Variants in COCH observed in about 807,000 individuals in gnomAD.
COCH encodes cochlin.
COCH carries 40 observed loss-of-function variants against 54.8 expected under a neutral mutation model. The ratio of observed to expected loss-of-function variants is 0.73; its 90% CI spans 0.57 to 0.95. The LOEUF (loss-of-function observed/expected upper bound fraction) is 0.95. Ranked by LOEUF, COCH falls within the 40% of genes least tolerant of loss-of-function variation. COCH has a pLI of 0.00. For missense variants in COCH, 605 were observed against 675.0 expected, an observed-to-expected ratio of 0.90 and a Z score of 1.15; for synonymous variants, 256 against 237.9, an observed-to-expected ratio of 1.08 and a Z score of -0.70.
At chr14:30,881,409 C>G (rs1895582492) in intron 8 of COCH, among the ~76,000 whole-genome samples, 1 of 152,046 alleles carries the variant, frequency 6.6e-6, no homozygotes, top group Non-Finnish European at 1.5e-5. Flanking sequence ...TGAGTGCCTC[C>G]TTTTTGGAAT....
At chr14:30,882,120 G>GTTTTTTTTTTGTTTGTTTGTTTTTTTT (rs1895618905) in intron 8 of COCH, among the ~76,000 whole-genome samples, 6 of 67,894 alleles carry the variant, frequency 8.8e-5, no homozygotes, top group African/African-American at 4.0e-4. Flanking sequence ...CTATAAAATG[G>GTTTTTTTTTTGTTTGTTTGTTTTTTTT]TTTTTTTTTT....
At chr14:30,893,824 T>C (rs1172787949), downstream of COCH, 1 of 152,556 alleles carries the variant, frequency 6.6e-6, no homozygotes, top group Non-Finnish European at 1.5e-5. Flanking sequence ...AGTTTAATTA[T>C]GGAGAATAAA....
At chr14:30,893,559 T>C (rs1451295720), downstream of COCH, among the ~76,000 whole-genome samples, 1 of 152,218 alleles carries the variant, frequency 6.6e-6, no homozygotes, top group Non-Finnish European at 1.5e-5. Context: ...AACACTGCCA[T>C]TAATTGAAAT....
downstream of COCH, among the ~76,000 whole-genome samples, chr14:30,892,146 G>A (rs1895997620): frequency 6.6e-6 from 1 of 152,042 alleles, no homozygotes; most frequent in South Asian, 2.1e-4. Flanking sequence ...TGTGTCAAAT[G>A]GAAGCACACA....
rs577873016 is a variant in COCH, at chr14:30,877,266, T to C, written c.83-306T>C. On this transcript the variant is annotated intron_variant, in intron 3 of 11. Transcript: ENST00000396618. This position sits in a 1 kb window ranked among gnomAD's most constrained non-coding sequence, Gnocchi z 8.6. ...TACTAGGGAGTTGGAGGTGGATCAC[T>C]TGAGCTCGGGAATTTGAGCCTAGCT... 15 of 370,960 alleles carry C rather than the reference T, an allele frequency of 4.0e-5. No homozygotes were observed. Among genetic ancestry groups the C allele is most frequent in the Non-Finnish European group, 7.7e-5 (15 of 195,680 alleles). The allele number at this position is 370,960 out of a possible 1,614,324, so 23.0% of individuals were successfully genotyped here.
chr14:30,886,584 T>C (rs1008802853), intron 11 of COCH, among the ~76,000 whole-genome samples: 6 of 152,168 alleles, frequency 3.9e-5, no homozygotes, highest in African/African-American at 1.2e-4. Flanking sequence ...GTTGGGAGAA[T>C]TGCCATGAGA....
intron 8 of COCH, 105 bp downstream of exon 8, chr14:30,880,839 A>T: frequency 2.4e-6 from 2 of 838,956 alleles, no homozygotes; most frequent in Non-Finnish European, 3.9e-6. Context: ...TTTCATACAT[A>T]CAATGTATAG....
At chr14:30,879,088 G>C in intron 5 of COCH, 144 bp downstream of exon 5, 2 of 1,250,902 alleles carry the variant, frequency 1.6e-6, no homozygotes, top group South Asian at 1.3e-5. Context: ...CTGTAGGTTA[G>C]ACTGAGGGGT....
At chr14:30,891,727 T>C (rs560134511), downstream of COCH, among the ~76,000 whole-genome samples, 1 of 152,300 alleles carries the variant, frequency 6.6e-6, no homozygotes, top group South Asian at 2.1e-4. Flanking sequence ...TCATTAGCCC[T>C]TTTAAGAAAG....
chr14:30,893,344 G>A (rs1415428578), downstream of COCH, among the ~76,000 whole-genome samples: 1 of 151,608 alleles, frequency 6.6e-6, no homozygotes, highest in Non-Finnish European at 1.5e-5. Flanking sequence ...AGTAGAGACG[G>A]GGTTTCATCG....
Position 30,890,110 on chromosome 14 carries a change from C to T in COCH, c.*319C>T, listed in dbSNP as rs1895932469. The stretch of plus-strand genomic sequence containing the variant: ...GTACAGATATGCAAATTCCATAGCT[C>T]AATAAAAGAATCTGATACTTAGACC... On this transcript the variant is annotated 3_prime_UTR_variant, in exon 12 of 12. Coordinates refer to ENST00000396618, the MANE Select transcript of COCH (RefSeq NM_004086.3). The T allele has an allele frequency of 1.8e-5, 18 of 1,027,780 alleles. No homozygotes were observed. In the South Asian group the frequency reaches 6.9e-4, roughly 40 times the overall value. The allele number at this position is 1,027,780 out of a possible 1,614,324, so 63.7% of individuals were successfully genotyped here. A position where few individuals can be genotyped will look rare whatever the true frequency, so the allele number is the denominator to read the frequency against.
chr14:30,887,829 T>C (rs7140925), intron 11 of COCH, among the ~76,000 whole-genome samples: 4,644 of 152,300 alleles, frequency 0.03, 207 homozygotes, highest in African/African-American at 0.09. Context: ...TTGTAAAAAG[T>C]ATTTTTTATA....
chr14:30,879,409 T>C lies in COCH; in HGVS notation c.374-14T>C, dbSNP rs781179027. ...AGGAAAAGGAAAAAAATAAGCTTATTTTTATTTTAACAGAAGGCAAAAGTA... is the reference window on the plus strand; with the variant it reads ...AGGAAAAGGAAAAAAATAAGCTTATCTTTATTTTAACAGAAGGCAAAAGTA... On this transcript the variant is annotated splice_polypyrimidine_tract_variant and intron_variant, in intron 5 of 11. Transcript: ENST00000396618. 2 of 1,613,566 alleles carry C rather than the reference T, an allele frequency of 1.2e-6. No individual in the cohort carries two copies. Among genetic ancestry groups the C allele is most frequent in the South Asian group, 1.1e-5 (1 of 91,060 alleles).
chr14:30,886,446 G>A (rs917509448), intron 11 of COCH, 134 bp downstream of exon 11: 4 of 924,676 alleles, frequency 4.3e-6, no homozygotes, highest in Non-Finnish European at 6.5e-6. Context: ...TGTTAAAGCA[G>A]CCCTACTCAT....
chr14:30,877,145 CTT>C lies in COCH; in HGVS notation c.83-424_83-423del, dbSNP rs1438362266. Among the ~76,000 whole-genome samples, 2 of 151,960 alleles carry C rather than the reference CTT, an allele frequency of 1.3e-5. No homozygotes were observed. Among genetic ancestry groups the C allele is most frequent in the East Asian group, 3.9e-4 (2 of 5,190 alleles). On this transcript the variant is annotated intron_variant, in intron 3 of 11. Coordinates refer to ENST00000396618, the MANE Select transcript of COCH (RefSeq NM_004086.3). This position sits in a 1 kb window ranked among gnomAD's most constrained non-coding sequence, Gnocchi z 8.6. ...TATTTCTATAATTAATATTAAATGA[CTT>C]TTATTTTCTAGTTCAGATATAGTTC... is the stretch of plus-strand genomic sequence containing the variant.
chr14:30,892,304 G>A (rs571837966), downstream of COCH, among the ~76,000 whole-genome samples: 13 of 152,008 alleles, frequency 8.6e-5, no homozygotes, highest in South Asian at 1.9e-3. Flanking sequence ...TCCAAAATAC[G>A]TCAATGTTTA....
rs1566406906 is a variant in COCH, at chr14:30,877,706, A to G, written c.217A>G (p.Ile73Val). The G allele has an allele frequency of 6.2e-7, 1 of 1,614,226 alleles. No homozygotes were observed. The highest frequency in any genetic ancestry group is 8.5e-7 in the Non-Finnish European group (1 of 1,180,046). Residue 73 changes from isoleucine to valine, a missense_variant, in exon 4 of 12, where the codon ATA becomes GTA. Ile to Val is a conservative substitution (Grantham distance 29). Transcript: ENST00000396618. The surrounding 1 kb of genome is among the most constrained non-coding windows in gnomAD (Gnocchi z 8.6). ...CATAGTATATGCTTCTGTATCGAGC[A>G]TATGTGGGGCTGCTGTCCACAGGTA... ...GNIVYASVSS[I>V]CGAAVHRGVI...
intron 8 of COCH, among the ~76,000 whole-genome samples, chr14:30,882,349 C>T (rs1895642200): frequency 1.3e-5 from 2 of 151,578 alleles, no homozygotes; most frequent in Non-Finnish European, 2.9e-5. Context: ...AGCCTGGTCT[C>T]GAGCTCCTGA....
At position 30,874,595 on chromosome 14, in the gene COCH, CGGA is replaced by C; in HGVS notation, c.-24+6_-24+8del. On this transcript the variant is annotated splice_donor_5th_base_variant and intron_variant, in intron 1 of 11. Coordinates refer to ENST00000396618, the MANE Select transcript of COCH (RefSeq NM_004086.3). Reference sequence around the variant, plus strand: ...CAGCCGGGTGGATCTCGAGCAGGTGCGGAGCCCCGGGCGGCGGGCGCGGGTGCG... The same window carrying C: ...CAGCCGGGTGGATCTCGAGCAGGTGCGCCCCGGGCGGCGGGCGCGGGTGCG... 4.2e-6 allele frequency: 2 copies of C among 481,732 alleles called. No individual in the cohort carries two copies. The highest frequency in any genetic ancestry group is 4.0e-5 in the East Asian group (1 of 25,226). 29.8% of individuals were successfully genotyped at this position (481,732 alleles called of 1,614,324 possible).
Sources: gnomAD v4.1 joint callset for allele counts (sites outside exome capture counted in the v4.1 genomes callset) on GRCh38, gnomAD v4.1.1 for gene constraint, Gnocchi (gnomAD v3.1) non-coding constraint, MANE v1.5 for transcripts, NCBI Gene and HGNC (gene_info 2026-07-23, HGNC 2026-07-21) for gene names.